The following ATXN1 variants were observed in gnomAD, a reference collection of about 807,000 sequenced individuals.
ATXN1 encodes ataxin 1, also known as ataxin-1.
ATXN1 carries 8 observed loss-of-function variants against 56.4 expected under a neutral mutation model. The ratio of observed to expected loss-of-function variants is 0.14; its 90% CI spans 0.08 to 0.26. ATXN1 has a LOEUF of 0.26. Ranked by LOEUF, ATXN1 falls within the 10% of genes least tolerant of loss-of-function variation. The pLI is 1.00. For missense variants in ATXN1, 987 were observed against 1,106.5 expected (o/e 0.89, Z 1.53); for synonymous variants, 514 against 494.6 (o/e 1.04, Z -0.52).
At chr6:16,322,588 G>T (rs900781011) in intron 7 of ATXN1, among the ~76,000 whole-genome samples, 1 of 152,224 alleles carries the variant, frequency 6.6e-6, no homozygotes, top group Non-Finnish European at 1.5e-5. Context: ...CTCTGTGGGT[G>T]CAGTGTCAGC....
At chr6:16,642,904 A>C (rs1763731346) in intron 3 of ATXN1, among the ~76,000 whole-genome samples, 1 of 152,224 alleles carries the variant, frequency 6.6e-6, no homozygotes, top group South Asian at 2.1e-4. Flanking sequence ...TGCACTGGAA[A>C]ACCAAAAAAT....
chr6:16,579,230 T>C (rs1321791495), intron 4 of ATXN1, among the ~76,000 whole-genome samples: 1 of 152,150 alleles, frequency 6.6e-6, no homozygotes, highest in Non-Finnish European at 1.5e-5. Flanking sequence ...AAGGAGGTCA[T>C]TAGCTCCACC....
In ATXN1 at chr6:16,407,179, A is replaced by G. The variant is rs1270941063; in HGVS notation, c.-160-78709T>C. On this transcript the variant is annotated intron_variant, in intron 6 of 7. Transcript: ENST00000436367. ...GCATGCCTGAGATCACAGAGTAATG[A>G]CTGTTAACTTGGCTTCATTTTAAAA... is the stretch of plus-strand genomic sequence containing the variant. Among the ~76,000 whole-genome samples, 5 of 152,320 alleles carry G rather than the reference A, an allele frequency of 3.3e-5. No individual in the cohort carries two copies. The South Asian group carries it at 1.0e-3, about 32-fold the overall frequency.
intron 3 of ATXN1, among the ~76,000 whole-genome samples, chr6:16,634,928 C>T (rs962867588): frequency 3.3e-5 from 5 of 152,170 alleles, no homozygotes; most frequent in African/African-American, 9.7e-5. Context: ...CTTTTGTTTA[C>T]AATTGCACTG....
Position 16,630,314 on chromosome 6 carries a change from G to A in ATXN1, c.-489+27462C>T, listed in dbSNP as rs1271522975. ...CCTAGAGGAGGACACTAGCCATACC[G>A]TTGTTATGCTGAAGTTGCGAGGTCC... On this transcript the variant is annotated intron_variant, in intron 3 of 7. Coordinates refer to ENST00000436367, the MANE Select transcript of ATXN1 (RefSeq NM_001128164.2). Among the ~76,000 whole-genome samples, 10 of 152,332 alleles carry A rather than the reference G, an allele frequency of 6.6e-5. No individual in the cohort carries two copies. The East Asian group carries it at 9.6e-4, about 15-fold the overall frequency.
intron 3 of ATXN1, among the ~76,000 whole-genome samples, chr6:16,597,882 G>A (rs2113777312): frequency 6.6e-6 from 1 of 152,248 alleles, no homozygotes; most frequent in South Asian, 2.1e-4. Flanking sequence ...GCAAAGAAAG[G>A]CAGCTGAGTC....
At chr6:16,357,396 A>C (rs1304999846) in intron 6 of ATXN1, among the ~76,000 whole-genome samples, 1 of 151,854 alleles carries the variant, frequency 6.6e-6, no homozygotes, top group Non-Finnish European at 1.5e-5. Context: ...CAGCCTCCTG[A>C]GTAGCTGGGA....
intron 2 of ATXN1, among the ~76,000 whole-genome samples, chr6:16,660,842 T>TG (rs1418718053): frequency 5.5e-5 from 8 of 146,782 alleles, no homozygotes; most frequent in African/African-American, 2.0e-4. Flanking sequence ...GTTTTTTTTT[T>TG]TTTTTTTTTT....
Position 16,506,044 on chromosome 6 carries a change from C to G in ATXN1, c.-299+16583G>C, listed in dbSNP as rs1760977289. Among the ~76,000 whole-genome samples, 1 of 152,084 alleles carries G rather than the reference C, an allele frequency of 6.6e-6. No individual in the cohort carries two copies. The highest frequency in any genetic ancestry group is 1.5e-5 in the Non-Finnish European group (1 of 68,020). On this transcript the variant is annotated intron_variant, in intron 5 of 7. Transcript: ENST00000436367. The surrounding 1 kb of genome is among the most constrained non-coding windows in gnomAD (Gnocchi z 4.1). ...GTGTCTTCCCTCCTAGAAGAGAGGC[C>G]CAGGCTGAGAGCATCATGGTTTTGG...
chr6:16,718,922 A>C lies in ATXN1; in HGVS notation c.-615+34311T>G, dbSNP rs574901182. ...TAAGTGAAGGTATGTAGCATGATAA[A>C]ACTGTCATTTCCTAAGTTTTTCTAC... On this transcript the variant is annotated intron_variant, in intron 2 of 7. Transcript: ENST00000436367. Among the ~76,000 whole-genome samples, 4 of 152,328 alleles carry C rather than the reference A, an allele frequency of 2.6e-5. No individual in the cohort carries two copies. The South Asian group carries it at 8.3e-4, about 32-fold the overall frequency.
intron 3 of ATXN1, among the ~76,000 whole-genome samples, chr6:16,614,276 G>A (rs939041734): frequency 6.6e-5 from 10 of 151,192 alleles, no homozygotes; most frequent in East Asian, 1.9e-4. Flanking sequence ...GGAAATCCCC[G>A]CTTGATGGTA....
At chr6:16,492,200 T>A (rs990454318) in intron 5 of ATXN1, among the ~76,000 whole-genome samples, 1 of 151,644 alleles carries the variant, frequency 6.6e-6, no homozygotes, top group Admixed American at 6.6e-5. Context: ...TAAATAGGTA[T>A]TGTTATAGGT....
intron 4 of ATXN1, among the ~76,000 whole-genome samples, chr6:16,577,441 T>A (rs780192954): frequency 1.6e-4 from 24 of 151,614 alleles, no homozygotes; most frequent in Non-Finnish European, 2.1e-4. Context: ...AAAGGATTGC[T>A]TGAACCTGGG....
At chr6:16,534,770 A>T (rs939033051) in intron 4 of ATXN1, among the ~76,000 whole-genome samples, 1 of 152,142 alleles carries the variant, frequency 6.6e-6, no homozygotes, top group African/African-American at 2.4e-5. Context: ...TTAAGAGACT[A>T]TCTGTTCCCA....
chr6:16,593,307 G>A (rs909765928), intron 3 of ATXN1, among the ~76,000 whole-genome samples: 1 of 152,144 alleles, frequency 6.6e-6, no homozygotes, highest in Non-Finnish European at 1.5e-5. Flanking sequence ...AATTACTCCT[G>A]TGTGATCTCA....
At chr6:16,586,285 G>A (rs929299928) in intron 3 of ATXN1, among the ~76,000 whole-genome samples, 1 of 152,188 alleles carries the variant, frequency 6.6e-6, no homozygotes, top group African/African-American at 2.4e-5. Context: ...CATAGAAAAT[G>A]TCAGAAACAT....
chr6:16,659,175 G>A (rs562320544), intron 2 of ATXN1, among the ~76,000 whole-genome samples: 214 of 152,316 alleles, frequency 1.4e-3, no homozygotes, highest in African/African-American at 4.8e-3. Context: ...CATCTAGCCG[G>A]AGGAACAACT....
chr6:16,614,194 T>C (rs986083743), intron 3 of ATXN1, among the ~76,000 whole-genome samples: 4 of 151,804 alleles, frequency 2.6e-5, no homozygotes, highest in Admixed American at 2.0e-4. Context: ...AGTCAGTCTT[T>C]TTGTCATCAT....
At chr6:16,376,516 G>C (rs1420227503) in intron 6 of ATXN1, among the ~76,000 whole-genome samples, 1 of 152,166 alleles carries the variant, frequency 6.6e-6, no homozygotes, top group African/African-American at 2.4e-5. Flanking sequence ...GCAATGATAT[G>C]AAGGAAACAG....
Sources: gnomAD v4.1 joint callset for allele counts (sites outside exome capture counted in the v4.1 genomes callset) on GRCh38, gnomAD v4.1.1 for gene constraint, Gnocchi (gnomAD v3.1) non-coding constraint, MANE v1.5 for transcripts, NCBI Gene and HGNC (gene_info 2026-07-23, HGNC 2026-07-21) for gene names.